The following STK3 variants were observed in gnomAD, a reference collection of about 807,000 sequenced individuals.
STK3 encodes the protein serine/threonine-protein kinase 3.
Under a neutral mutation model 58.0 loss-of-function variants are expected in STK3, and 41 were observed. The ratio of observed to expected loss-of-function variants is 0.71; its 90% CI spans 0.55 to 0.92. STK3 has a LOEUF of 0.92. STK3 is among the 40% of genes least tolerant of loss of function. The pLI is 0.00. For synonymous variants in STK3, 170 were observed against 191.0 expected, an observed-to-expected ratio of 0.89 and a Z score of 0.91; for missense variants, 479 against 602.7, an observed-to-expected ratio of 0.79 and a Z score of 2.15.
the STK3 span, among the ~76,000 whole-genome samples, chr8:98,364,885 T>C: frequency 6.6e-6 from 1 of 152,238 alleles, no homozygotes; most frequent in Non-Finnish European, 1.5e-5. Context: ...TTTGGTGTCA[T>C]GTACTGGTCT....
intron 8 of STK3, among the ~76,000 whole-genome samples, chr8:98,549,120 T>G (rs1810959194): frequency 6.6e-6 from 1 of 152,196 alleles, no homozygotes; most frequent in Non-Finnish European, 1.5e-5. Flanking sequence ...GTTGGGTATC[T>G]ACCTAGAAGT....
intron 3 of STK3, among the ~76,000 whole-genome samples, chr8:98,837,699 G>C (rs186130314): frequency 4.3e-4 from 65 of 152,154 alleles, no homozygotes; most frequent in Admixed American, 2.7e-3. Flanking sequence ...AGGCCCAGAC[G>C]GGAGGATCCC....
chr8:98,692,170 T>C (rs1299169951), intron 6 of STK3, among the ~76,000 whole-genome samples: 4 of 152,010 alleles, frequency 2.6e-5, no homozygotes, highest in Non-Finnish European at 5.9e-5. Flanking sequence ...CTCTTGTACA[T>C]TGGTGGTAGG....
At chr8:98,393,669 C>T (rs1471940308) in intron 3 of STK3, 2 of 151,896 alleles carry the variant, frequency 1.3e-5, no homozygotes, top group Non-Finnish European at 2.9e-5. Flanking sequence ...GCTCTGGCTC[C>T]CTAGTCTACT....
rs768160845 is a variant in STK3 at position 98,722,840 on chromosome 8, AAAC to A, written c.352-15532_352-15530del. ...TATACTGAAAACACCAAGAGGGAGA[AAAC>A]ACATGAGAGAGGATCTGCTTCATAT... On this transcript the variant is annotated intron_variant, in intron 4 of 10. Coordinates refer to ENST00000419617, the MANE Select transcript of STK3 (RefSeq NM_006281.4). 4 of 483,918 alleles carry A rather than the reference AAAC, an allele frequency of 8.3e-6. No individual in the cohort carries two copies. In the East Asian group the frequency reaches 2.3e-4, roughly 28 times the overall value. 30.0% of individuals were successfully genotyped at this position (483,918 alleles called of 1,614,324 possible).
chr8:98,908,999 T>C (rs2131975685), intron 1 of STK3, among the ~76,000 whole-genome samples: 1 of 151,880 alleles, frequency 6.6e-6, no homozygotes, highest in Middle Eastern at 3.4e-3. Flanking sequence ...CTACTAAAAA[T>C]ACAAGAATTA....
intron 1 of STK3, among the ~76,000 whole-genome samples, chr8:98,385,259 C>A (rs73272089): frequency 2.7e-5 from 4 of 150,292 alleles, no homozygotes; most frequent in East Asian, 4.0e-4. Flanking sequence ...GAGTGGGGGT[C>A]GGGGGGAGGT....
intron 1 of STK3, among the ~76,000 whole-genome samples, chr8:98,903,542 T>TTCTTCC (rs1838751038): frequency 7.8e-5 from 2 of 25,728 alleles, no homozygotes; most frequent in Non-Finnish European, 6.2e-5. Context: ...CTTCTTCTTC[T>TTCTTCC]TCTTCTTCTT....
At chr8:98,817,414 A>G (rs540686927) in intron 1 of STK3, among the ~76,000 whole-genome samples, 6 of 148,038 alleles carry the variant, frequency 4.1e-5, no homozygotes, top group African/African-American at 1.5e-4. Flanking sequence ...AGATTGCACC[A>G]TTGCATTCCA....
chr8:98,836,209 A>G (rs1305458257), intron 3 of STK3, among the ~76,000 whole-genome samples: 3 of 151,960 alleles, frequency 2.0e-5, no homozygotes, highest in African/African-American at 7.3e-5. Flanking sequence ...TCAACAGAAA[A>G]AAAAAAACCC....
At chr8:98,466,318 A>G (rs958609628) in intron 10 of STK3, among the ~76,000 whole-genome samples, 5 of 152,194 alleles carry the variant, frequency 3.3e-5, no homozygotes, top group African/African-American at 1.2e-4. Context: ...AATAATATAA[A>G]CTTAAAGTAA....
intron 1 of STK3, among the ~76,000 whole-genome samples, chr8:98,796,636 G>T (rs1833181529): frequency 6.6e-6 from 1 of 152,190 alleles, no homozygotes; most frequent in Non-Finnish European, 1.5e-5. Flanking sequence ...AGCTGCTTTT[G>T]TGCAGCAAAA....
At chr8:98,926,217 G>A (rs1480217179) in intron 1 of STK3, among the ~76,000 whole-genome samples, 2 of 152,158 alleles carry the variant, frequency 1.3e-5, no homozygotes, top group African/African-American at 2.4e-5. Flanking sequence ...AGAGCAGCTG[G>A]AACTCTGCAG....
At chr8:98,899,966 A>G (rs1309980785) in intron 1 of STK3, among the ~76,000 whole-genome samples, 2 of 152,238 alleles carry the variant, frequency 1.3e-5, no homozygotes, top group African/African-American at 4.8e-5. Context: ...TGCCTGGAAC[A>G]TAGTGATTGC....
rs766404129 is a variant in STK3 at position 98,722,984 on chromosome 8, A to AC, written c.352-15674_352-15673insG. ...GTTAAGAATCCCTTAAAACAAACAAAAAAAAAATTGTGGACACCATTGATT... is the reference window on the plus strand; with the variant it reads ...GTTAAGAATCCCTTAAAACAAACAAACAAAAAAATTGTGGACACCATTGATT... On this transcript the variant is annotated intron_variant, in intron 4 of 10. Coordinates refer to ENST00000419617, the MANE Select transcript of STK3 (RefSeq NM_006281.4). 117 of 412,330 alleles carry AC rather than the reference A, an allele frequency of 2.8e-4. 3 individuals are homozygous for AC. The highest frequency in any genetic ancestry group is 2.0e-3 in the South Asian group (107 of 54,266). 25.5% of individuals were successfully genotyped at this position (412,330 alleles called of 1,614,324 possible).
chr8:98,846,125 C>T (rs1836190939), intron 3 of STK3, among the ~76,000 whole-genome samples: 1 of 152,226 alleles, frequency 6.6e-6, no homozygotes, highest in Non-Finnish European at 1.5e-5. Context: ...CATTCAGATG[C>T]ATCTATGTGA....
intron 6 of STK3, among the ~76,000 whole-genome samples, chr8:98,624,619 A>T (rs1818573522): frequency 6.6e-6 from 1 of 152,200 alleles, no homozygotes; most frequent in Admixed American, 6.5e-5. Context: ...TGGGAGACCA[A>T]GGCGGGTGGG....
In STK3 at chr8:98,570,625, C is replaced by CA. The variant is rs201218163; in HGVS notation, c.948+9038dup. Among the ~76,000 whole-genome samples, 1,400 of 150,984 alleles carry CA rather than the reference C, an allele frequency of 9.3e-3. 24 individuals are homozygous for CA. Among genetic ancestry groups the CA allele is most frequent in the African/African-American group, 0.032 (1,309 of 41,162 alleles). The stretch of plus-strand genomic sequence containing the variant: ...GGGCAAAACCAGTAAGGGCAACCAG[C>CA]AAAAAAAACCCGAAAACTAAACAAA... On this transcript the variant is annotated intron_variant, in intron 8 of 10. Transcript: ENST00000419617.
intron 1 of STK3, among the ~76,000 whole-genome samples, chr8:98,896,114 T>C (rs1288655647): frequency 6.6e-6 from 1 of 152,208 alleles, no homozygotes; most frequent in East Asian, 1.9e-4. Flanking sequence ...ATTAGTCATC[T>C]CTGCCCTAGT....
Sources: allele counts gnomAD v4.1 joint callset (sites outside exome capture counted in the v4.1 genomes callset), GRCh38; gene constraint gnomAD v4.1.1; transcripts MANE v1.5; gene names NCBI Gene and HGNC (gene_info 2026-07-23, HGNC 2026-07-21).